Variants in RGS6 observed in about 807,000 individuals in gnomAD.
RGS6 encodes the protein regulator of G protein signaling 6.
A neutral mutation model predicts 78.5 loss-of-function variants in RGS6; 30 were observed. The ratio of observed to expected loss-of-function variants is 0.38; its 90% CI spans 0.29 to 0.52. The LOEUF is 0.52. Among genes scored for constraint, RGS6 ranks in the 20% least tolerant of loss-of-function variants. The probability of loss-of-function intolerance (pLI) is 0.85; values close to 1 mark genes in which losing one functional copy is unlikely to be tolerated. For synonymous variants in RGS6, 206 were observed against 206.0 expected, an observed-to-expected ratio of 1.00 and a Z score of 0.00; for missense variants, 495 against 609.7, an observed-to-expected ratio of 0.81 and a Z score of 1.98.
chr14:72,404,433 G>A (rs976435777), intron 3 of RGS6, among the ~76,000 whole-genome samples: 22 of 152,104 alleles, frequency 1.4e-4, no homozygotes, highest in Admixed American at 1.3e-3. Context: ...GCACTGCCTC[G>A]GATTCCAGAT....
chr14:72,232,277 GAGA>G (rs1409967590), intron 2 of RGS6, among the ~76,000 whole-genome samples: 1 of 152,190 alleles, frequency 6.6e-6, no homozygotes, highest in African/African-American at 2.4e-5. Context: ...TGGGCATGGG[GAGA>G]AGAACTCTGA....
intron 3 of RGS6, among the ~76,000 whole-genome samples, chr14:72,363,453 G>A (rs2081894398): frequency 6.6e-6 from 1 of 152,222 alleles, no homozygotes; most frequent in African/African-American, 2.4e-5. Context: ...AGTAATGGAG[G>A]AAACTGCTAA....
At chr14:72,613,026 G>GTGTGTA in the RGS6 span, among the ~76,000 whole-genome samples, 1 of 137,474 alleles carries the variant, frequency 7.3e-6, no homozygotes, top group African/African-American at 2.5e-5. Context: ...GTGTGTGTGT[G>GTGTGTA]TGTGTATGTG....
intron 3 of RGS6, among the ~76,000 whole-genome samples, chr14:72,383,213 T>TATATATATATATATATACAC (rs1387301746): frequency 3.4e-5 from 4 of 118,334 alleles, no homozygotes; most frequent in African/African-American, 9.4e-5. Flanking sequence ...TATATATATA[T>TATATATATATATATATACAC]ACACACAAAC....
intron 2 of RGS6, among the ~76,000 whole-genome samples, chr14:72,234,549 G>A (rs1003262745): frequency 2.6e-5 from 4 of 152,170 alleles, no homozygotes; most frequent in Admixed American, 1.3e-4. Flanking sequence ...TGTAGGCTGA[G>A]TGAGGATAGG....
At chr14:72,208,001 A>T (rs1373487536) in intron 2 of RGS6, among the ~76,000 whole-genome samples, 3 of 152,184 alleles carry the variant, frequency 2.0e-5, no homozygotes, top group Non-Finnish European at 4.4e-5. Context: ...CAGTTGCTGT[A>T]ATTGGAATCA....
At chr14:72,498,815 G>T (rs1328626403) in intron 13 of RGS6, among the ~76,000 whole-genome samples, 3 of 152,302 alleles carry the variant, frequency 2.0e-5, no homozygotes, top group Admixed American at 6.5e-5. Flanking sequence ...AAGAAGTCCT[G>T]GTTTGGTTCA....
chr14:72,297,873 G>C (rs1220746107), intron 2 of RGS6, among the ~76,000 whole-genome samples: 1 of 151,786 alleles, frequency 6.6e-6, no homozygotes, highest in African/African-American at 2.4e-5. Flanking sequence ...GTTTTGGGAA[G>C]CTATTTTAAA....
chr14:72,584,495 T>G, the RGS6 span, among the ~76,000 whole-genome samples: 1 of 152,142 alleles, frequency 6.6e-6, no homozygotes, highest in African/African-American at 2.4e-5. Context: ...AGCTGACATT[T>G]GAAGCTGAAT....
intron 2 of RGS6, among the ~76,000 whole-genome samples, chr14:72,154,320 A>C (rs1223109203): frequency 1.3e-5 from 2 of 152,200 alleles, no homozygotes; most frequent in Non-Finnish European, 2.9e-5. Flanking sequence ...TGCAGTTAAC[A>C]CAATTATCAC....
chr14:72,360,762 A>T (rs189082154), intron 3 of RGS6, among the ~76,000 whole-genome samples: 2 of 152,246 alleles, frequency 1.3e-5, no homozygotes, highest in East Asian at 3.9e-4. Context: ...GGGAAATAGA[A>T]CTTTGATTGT....
chr14:72,030,676 A>G (rs766246277), intron 2 of RGS6, among the ~76,000 whole-genome samples: 1 of 152,208 alleles, frequency 6.6e-6, no homozygotes, highest in Non-Finnish European at 1.5e-5. Context: ...AGATAAGTGG[A>G]GCGTAAATGC....
intron 2 of RGS6, among the ~76,000 whole-genome samples, chr14:72,198,768 C>G (rs2040808293): frequency 6.6e-6 from 1 of 152,176 alleles, no homozygotes; most frequent in Non-Finnish European, 1.5e-5. Context: ...GTCCACCTGC[C>G]TTGGTCTCTA....
At chr14:72,417,603 C>CTCCGCCAACAGCTCTGGGT (rs1284233655) in intron 3 of RGS6, among the ~76,000 whole-genome samples, 3 of 152,222 alleles carry the variant, frequency 2.0e-5, no homozygotes, top group Non-Finnish European at 1.5e-5. Context: ...ACCGCATGGG[C>CTCCGCCAACAGCTCTGGGT]TCCGCCACCA....
Position 72,168,100 on chromosome 14 carries a change from A to C in RGS6, c.85-183995A>C, listed in dbSNP as rs116054450. On this transcript the variant is annotated intron_variant, in intron 2 of 17. Coordinates refer to ENST00000553525, the MANE Select transcript of RGS6 (RefSeq NM_001204424.2). ...GGCTAAATAGTTAAAAGAATTAAAA[A>C]TTCTCAAATGCTTTCAAGGTTGGAG... 6.9e-3 allele frequency among the ~76,000 whole-genome samples: 1,048 copies of C among 152,310 alleles called. 9 individuals carry two copies. The highest frequency in any genetic ancestry group is 0.024 in the African/African-American group (992 of 41,548).
At chr14:72,227,680 A>G (rs187724195) in intron 2 of RGS6, among the ~76,000 whole-genome samples, 1 of 152,340 alleles carries the variant, frequency 6.6e-6, no homozygotes, top group African/African-American at 2.4e-5. Context: ...ATATTTTATT[A>G]GATGTTAAAG....
intron 2 of RGS6, among the ~76,000 whole-genome samples, chr14:72,193,413 A>G (rs1325497379): frequency 6.6e-6 from 1 of 152,196 alleles, no homozygotes; most frequent in Non-Finnish European, 1.5e-5. Context: ...TAGTCAGTGC[A>G]GGAGTCACAG....
intron 2 of RGS6, among the ~76,000 whole-genome samples, chr14:72,125,014 G>T (rs1387160981): frequency 6.6e-6 from 1 of 152,178 alleles, no homozygotes; most frequent in African/African-American, 2.4e-5. Context: ...ATAATCTTTT[G>T]CAAAGGTTCT....
intron 2 of RGS6, among the ~76,000 whole-genome samples, chr14:72,093,488 C>T: frequency 6.6e-6 from 1 of 152,206 alleles, no homozygotes. Flanking sequence ...AAGTGGTCCT[C>T]CCTCCTTGGC....
Sources: allele counts gnomAD v4.1 joint callset (sites outside exome capture counted in the v4.1 genomes callset), GRCh38; gene constraint gnomAD v4.1.1; transcripts MANE v1.5; gene names NCBI Gene and HGNC (gene_info 2026-07-23, HGNC 2026-07-21).